PTBP3: variants seen among roughly 807,000 people sequenced by gnomAD.
PTBP3 encodes the protein polypyrimidine tract binding protein 3, also known as polypyrimidine tract-binding protein 3.
A neutral mutation model predicts 58.7 loss-of-function variants in PTBP3; 20 were observed. The observed-to-expected ratio is 0.34, with a 90% CI of 0.24 to 0.50. The LOEUF (loss-of-function observed/expected upper bound fraction) is 0.50. Ranked by LOEUF, PTBP3 falls within the 20% of genes least tolerant of loss-of-function variation. PTBP3 has a pLI of 0.98. For synonymous variants in PTBP3, 185 were observed against 219.8 expected (o/e 0.84, Z 1.40); for missense variants, 509 against 637.2 (o/e 0.80, Z 2.17).
chr9:112,338,204 G>A (rs1480909576), upstream of PTBP3, among the ~76,000 whole-genome samples: 2 of 152,336 alleles, frequency 1.3e-5, no homozygotes, highest in African/African-American at 2.4e-5. Context: ...GTGACTACAA[G>A]GGAGTAAGAA....
At chr9:112,267,671 A>G (rs1827153580) in intron 4 of PTBP3, among the ~76,000 whole-genome samples, 1 of 152,164 alleles carries the variant, frequency 6.6e-6, no homozygotes, top group Non-Finnish European at 1.5e-5. Context: ...AATTCTAAAA[A>G]TTTTTTATTA....
intron 7 of PTBP3, among the ~76,000 whole-genome samples, chr9:112,244,340 A>G (rs1252350829): frequency 1.3e-5 from 2 of 150,062 alleles, no homozygotes; most frequent in Non-Finnish European, 3.0e-5. Context: ...AAAAATGTGC[A>G]AATCTTTAAG....
At chr9:112,343,381 G>C in the PTBP3 span, among the ~76,000 whole-genome samples, 2 of 151,196 alleles carry the variant, frequency 1.3e-5, no homozygotes, top group African/African-American at 4.9e-5. Flanking sequence ...GCTAATTTTT[G>C]TATTTTTAGT....
chr9:112,333,138 G>A, intron 1 of PTBP3: 1 of 1,249,382 alleles, frequency 8.0e-7, no homozygotes, highest in Non-Finnish European at 1.0e-6. Context: ...GGCCGAGCTG[G>A]GCTCCCCGGA....
chr9:112,307,298 CA>C (rs1472006009), intron 1 of PTBP3, among the ~76,000 whole-genome samples: 3 of 151,990 alleles, frequency 2.0e-5, no homozygotes, highest in Non-Finnish European at 4.4e-5. Flanking sequence ...ACCAAAAACA[CA>C]AAAAATTAGC....
At chr9:112,339,779 G>A in the PTBP3 span, among the ~76,000 whole-genome samples, 1 of 151,558 alleles carries the variant, frequency 6.6e-6, no homozygotes, top group Non-Finnish European at 1.5e-5. Flanking sequence ...GGCCAGGCTG[G>A]TTTCCAACTC....
chr9:112,375,659 C>T, the PTBP3 span, among the ~76,000 whole-genome samples: 1 of 152,152 alleles, frequency 6.6e-6, no homozygotes, highest in African/African-American at 2.4e-5. Flanking sequence ...GCCACTTCCT[C>T]ATGTAACTTA....
chr9:112,268,276 T>C, intron 3 of PTBP3, 81 bp from the exon 4 acceptor site: 1 of 1,420,962 alleles, frequency 7.0e-7, no homozygotes, highest in Non-Finnish European at 9.4e-7. Context: ...TCTAGCTTGC[T>C]CTAAACCCAT....
In PTBP3 at chr9:112,251,113, G is replaced by T; in HGVS notation, c.628-10C>A. The T allele has an allele frequency of 6.5e-7, 1 of 1,539,118 alleles. No homozygotes were observed. The highest frequency in any genetic ancestry group is 8.8e-7 in the Non-Finnish European group (1 of 1,142,098). ...TCTGGCCATCCAGAGCCTAAAGCAT[G>T]TAAGAAAGGGACTGGTTTTGGCAAG... On this transcript the variant is annotated splice_polypyrimidine_tract_variant and intron_variant, in intron 6 of 13. Transcript: ENST00000374257.
intron 7 of PTBP3, among the ~76,000 whole-genome samples, chr9:112,240,194 T>C (rs1301528879): frequency 6.6e-6 from 1 of 152,104 alleles, no homozygotes; most frequent in Non-Finnish European, 1.5e-5. Flanking sequence ...ACAGAAACCT[T>C]TGGAGGGTAG....
the PTBP3 span, among the ~76,000 whole-genome samples, chr9:112,355,016 A>C: frequency 6.6e-6 from 1 of 152,318 alleles, no homozygotes; most frequent in African/African-American, 2.4e-5. Flanking sequence ...TTAACATAAT[A>C]GTTATTTACT....
In PTBP3 at chr9:112,218,918, G is replaced by A. The variant is rs573438354; in HGVS notation, c.*4933C>T. ...AGGGGAATTTTGATGAACAGACCACGTAAAACACCAGACAATGTCAGAGGC... is the reference window on the plus strand; with the variant it reads ...AGGGGAATTTTGATGAACAGACCACATAAAACACCAGACAATGTCAGAGGC... On this transcript the variant is annotated 3_prime_UTR_variant, in exon 14 of 14. Coordinates refer to ENST00000374257, the MANE Select transcript of PTBP3 (RefSeq NM_001163788.4). 88 of 152,256 alleles carry A rather than the reference G, an allele frequency of 5.8e-4. No individual in the cohort carries two copies. Among genetic ancestry groups the A allele is most frequent in the African/African-American group, 1.9e-3 (78 of 41,518 alleles). 9.4% of individuals were successfully genotyped at this position (152,256 alleles called of 1,614,324 possible). A position where few individuals can be genotyped will look rare whatever the true frequency, so the allele number is the denominator to read the frequency against.
downstream of PTBP3, chr9:112,217,869 A>G (rs1460248264): frequency 1.3e-5 from 2 of 152,188 alleles, no homozygotes; most frequent in African/African-American, 4.8e-5. Flanking sequence ...CTAAGTCTAG[A>G]CTTCTGCAAT....
chr9:112,236,171 A>G (rs1226201413), intron 7 of PTBP3, among the ~76,000 whole-genome samples: 1 of 152,000 alleles, frequency 6.6e-6, no homozygotes, highest in Non-Finnish European at 1.5e-5. Flanking sequence ...AATTTATTAA[A>G]TATGTAACTA....
intron 1 of PTBP3, among the ~76,000 whole-genome samples, chr9:112,328,073 C>G (rs1830227163): frequency 6.6e-6 from 1 of 152,098 alleles, no homozygotes; most frequent in African/African-American, 2.4e-5. Flanking sequence ...ATTTTCAATT[C>G]TTTTTTTAAA....
chr9:112,224,299 C>T, intron 12 of PTBP3, 89 bp from the exon 13 acceptor site: 1 of 765,996 alleles, frequency 1.3e-6, no homozygotes, highest in Non-Finnish European at 2.0e-6. Context: ...CTCTAGAGTA[C>T]ATTTCAAACA....
the PTBP3 span, among the ~76,000 whole-genome samples, chr9:112,345,575 T>A: frequency 6.6e-6 from 1 of 150,970 alleles, no homozygotes; most frequent in Non-Finnish European, 1.5e-5. Context: ...AGAGTTGGGG[T>A]TTTACCATTT....
At position 112,232,230 on chromosome 9, in the gene PTBP3, C is replaced by G. The variant is rs1564392371; in HGVS notation, c.889G>C (p.Val297Leu). 3 of 1,594,390 alleles carry G rather than the reference C, an allele frequency of 1.9e-6. No individual in the cohort carries two copies. Among genetic ancestry groups the G allele is most frequent in the Non-Finnish European group, 1.7e-6 (2 of 1,171,034 alleles). Reference protein sequence around the residue: ...IGFPQATGLSVPAVPGALGPL... With the variant: ...IGFPQATGLSLPAVPGALGPL... Reference sequence around the variant, plus strand: ...CCAAGAGCTCCAGGAACAGCTGGAACTGATAGACCTTTTAAAAATACCAAA... The same window carrying G: ...CCAAGAGCTCCAGGAACAGCTGGAAGTGATAGACCTTTTAAAAATACCAAA... Residue 297 changes from valine (V) to leucine (L), a missense_variant, in exon 9 of 14, where the codon GTT becomes CTT. Physicochemically the swap from Val to Leu is conservative, Grantham distance 32. Coordinates refer to ENST00000374257, the MANE Select transcript of PTBP3 (RefSeq NM_001163788.4).
At position 112,325,194 on chromosome 9, in the gene PTBP3, C is replaced by G. The variant is rs879655457; in HGVS notation, c.-52+8276G>C. Among the ~76,000 whole-genome samples the G allele has an allele frequency of 7.4e-3, 1,123 of 152,330 alleles. 46 individuals carry two copies. Among genetic ancestry groups the G allele is most frequent in the Admixed American group, 0.061 (933 of 15,300 alleles). On this transcript the variant is annotated intron_variant, in intron 1 of 13. Coordinates refer to ENST00000374257, the MANE Select transcript of PTBP3 (RefSeq NM_001163788.4). ...AAAGAGGGAAGGGTCCCCGGAGAAC[C>G]TTCGACCTGCCCAGGTCATCATGCA...
Sources: gnomAD v4.1 joint callset for allele counts (sites outside exome capture counted in the v4.1 genomes callset) on GRCh38, gnomAD v4.1.1 for gene constraint, MANE v1.5 for transcripts, NCBI Gene and HGNC (gene_info 2026-07-23, HGNC 2026-07-21) for gene names.